Variants in FRAS1 observed in about 807,000 individuals in gnomAD.
FRAS1 encodes extracellular matrix organizing protein FRAS1.
FRAS1 carries 290 observed loss-of-function variants against 435.2 expected under a neutral mutation model. The observed-to-expected ratio is 0.67, with a 90% CI of 0.61 to 0.73. The LOEUF is 0.73. Among genes scored for constraint, FRAS1 ranks in the 30% least tolerant of loss-of-function variants. The pLI, the probability that FRAS1 is intolerant of heterozygous loss-of-function variation, is 0.00. For synonymous variants in FRAS1, 1,800 were observed against 1,851.0 expected (o/e 0.97, Z 0.71); for missense variants, 4,860 against 5,001.5 (o/e 0.97, Z 0.85).
chr4:78,480,955 AG>A (rs1719993032), intron 56 of FRAS1, among the ~76,000 whole-genome samples: 1 of 152,242 alleles, frequency 6.6e-6, no homozygotes, highest in South Asian at 2.1e-4. Flanking sequence ...ATTATATAAA[AG>A]AGCAAATGGA....
At chr4:78,470,180 C>T in intron 51 of FRAS1, 89 bp downstream of exon 51, 2 of 785,482 alleles carry the variant, frequency 2.5e-6, no homozygotes, top group Non-Finnish European at 2.1e-6. Flanking sequence ...AAGTCCAGTT[C>T]AGCTCACCTG....
chr4:78,473,559 C>T lies in FRAS1; in HGVS notation c.7644C>T (p.Phe2548=), dbSNP rs1008809299. 1 of 1,610,794 alleles carries T rather than the reference C, an allele frequency of 6.2e-7. No individual in the cohort carries two copies. The highest frequency in any genetic ancestry group is 8.5e-7 in the Non-Finnish European group (1 of 1,178,230). The change falls in exon 53 of 74, where the codon TTC becomes TTT. Residue 2548 remains phenylalanine, a synonymous_variant. Coordinates refer to ENST00000512123, the MANE Select transcript of FRAS1 (RefSeq NM_025074.7). ...CCAATGTGGTCAGCGACAATGTCTT[C>T]CATATCCAGTGGTCACTCATCAGCT... The part of the protein sequence containing the change: ...SKPNVVSDNV[F]HIQWSLISFK...
At chr4:78,463,665 G>A (rs1719437704) in intron 47 of FRAS1, among the ~76,000 whole-genome samples, 1 of 152,128 alleles carries the variant, frequency 6.6e-6, no homozygotes, top group African/African-American at 2.4e-5. Flanking sequence ...TGAAGCTTGG[G>A]GGAACACAAA....
chr4:78,275,755 C>G (rs1344303325), intron 9 of FRAS1, among the ~76,000 whole-genome samples: 1 of 152,106 alleles, frequency 6.6e-6, no homozygotes, highest in East Asian at 1.9e-4. Flanking sequence ...ACATTTTTTC[C>G]TTCATTTCAA....
intron 20 of FRAS1, among the ~76,000 whole-genome samples, chr4:78,346,649 A>G (rs1186299320): frequency 3.3e-5 from 5 of 152,120 alleles, no homozygotes; most frequent in Non-Finnish European, 7.4e-5. Context: ...CTTCACTCTC[A>G]GTCTACAACT....
intron 2 of FRAS1, among the ~76,000 whole-genome samples, chr4:78,200,469 T>C (rs1316160246): frequency 1.3e-5 from 2 of 152,210 alleles, no homozygotes; most frequent in Admixed American, 1.3e-4. Context: ...CAGGGCAAGC[T>C]TGAGTGAAGA....
chr4:78,145,767 T>C (rs1310103485), intron 2 of FRAS1, among the ~76,000 whole-genome samples: 4 of 152,218 alleles, frequency 2.6e-5, no homozygotes, highest in African/African-American at 4.8e-5. Context: ...TCGTGAATTG[T>C]AATCTTTATA....
intron 12 of FRAS1, 107 bp from the exon 13 acceptor site, chr4:78,284,298 C>T (rs1578227738): frequency 1.7e-6 from 1 of 581,644 alleles, no homozygotes. Flanking sequence ...TTCTGTTCTT[C>T]ATGTTCTATG....
intron 20 of FRAS1, among the ~76,000 whole-genome samples, chr4:78,354,786 G>C (rs967234831): frequency 6.6e-6 from 1 of 152,204 alleles, no homozygotes; most frequent in Admixed American, 6.5e-5. Flanking sequence ...ATCAGCTAAG[G>C]AGTCACTGCT....
At chr4:78,070,263 A>G (rs1252359594) in intron 2 of FRAS1, among the ~76,000 whole-genome samples, 1 of 151,660 alleles carries the variant, frequency 6.6e-6, no homozygotes, top group African/African-American at 2.4e-5. Flanking sequence ...GTGTATATAT[A>G]TATATATATA....
At position 78,507,468 on chromosome 4, in the gene FRAS1, C is replaced by A. The variant is rs200346497; in HGVS notation, c.9364C>A (p.Arg3122=). Residue 3122 remains arginine (R), a synonymous_variant, in exon 62 of 74, where the codon CGG becomes AGG. Transcript: ENST00000512123. The part of the protein sequence containing the change: ...FKVEILSNED[R]EWHESFSLVL... ...AGTTGAGATCCTGTCCAATGAAGAC[C>A]GGGAATGGCATGAATCTTTCTCACT... 1 of 1,612,366 alleles carries A rather than the reference C, an allele frequency of 6.2e-7. No individual in the cohort carries two copies. The highest frequency in any genetic ancestry group is 1.1e-5 in the South Asian group (1 of 90,642).
At chr4:78,221,403 C>G (rs188785527) in intron 2 of FRAS1, among the ~76,000 whole-genome samples, 2 of 152,102 alleles carry the variant, frequency 1.3e-5, no homozygotes, top group Admixed American at 6.5e-5. Context: ...TAGAATTACC[C>G]GAGGGTTTTT....
intron 20 of FRAS1, among the ~76,000 whole-genome samples, chr4:78,341,958 A>G (rs1035540405): frequency 2.6e-5 from 4 of 152,296 alleles, no homozygotes; most frequent in Non-Finnish European, 5.9e-5. Context: ...GTTTTTAACT[A>G]AAGTATTGCC....
At chr4:78,418,245 G>A (rs1289104924) in intron 32 of FRAS1, among the ~76,000 whole-genome samples, 3 of 152,200 alleles carry the variant, frequency 2.0e-5, no homozygotes, top group Admixed American at 2.0e-4. Context: ...ACTGGCTATT[G>A]TATGTGCTTT....
At chr4:78,444,356 G>A in intron 41 of FRAS1, 4 of 184,042 alleles carry the variant, frequency 2.2e-5, no homozygotes, top group South Asian at 1.7e-4. Flanking sequence ...AAATCTGAGG[G>A]GTAAAATTTA....
intron 2 of FRAS1, among the ~76,000 whole-genome samples, chr4:78,113,480 C>G (rs1179867535): frequency 3.3e-5 from 5 of 152,168 alleles, no homozygotes; most frequent in Non-Finnish European, 5.9e-5. Context: ...CACATCCTCT[C>G]CAGCACCTGT....
chr4:78,219,164 T>C (rs1723935704), intron 2 of FRAS1, among the ~76,000 whole-genome samples: 1 of 152,170 alleles, frequency 6.6e-6, no homozygotes, highest in Non-Finnish European at 1.5e-5. Flanking sequence ...TTAGGGAAGA[T>C]CTATTAATAT....
intron 2 of FRAS1, among the ~76,000 whole-genome samples, chr4:78,163,011 G>C (rs955408576): frequency 6.6e-6 from 1 of 152,146 alleles, no homozygotes; most frequent in African/African-American, 2.4e-5. Flanking sequence ...CTGACCATGC[G>C]GGGCTAGACG....
chr4:78,448,662 A>G (rs1280013353), intron 44 of FRAS1, among the ~76,000 whole-genome samples: 1 of 81,836 alleles, frequency 1.2e-5, no homozygotes, highest in African/African-American at 3.6e-5. Flanking sequence ...AACAAACCCC[A>G]TGGAAACAAA....
Sources: gnomAD v4.1 joint callset for allele counts (sites outside exome capture counted in the v4.1 genomes callset) on GRCh38, gnomAD v4.1.1 for gene constraint, MANE v1.5 for transcripts, NCBI Gene and HGNC (gene_info 2026-07-23, HGNC 2026-07-21) for gene names.